The following COL24A1 variants were observed in gnomAD, a reference collection of about 807,000 sequenced individuals.
COL24A1 encodes the protein collagen alpha-1(XXIV) chain.
Under a neutral mutation model 253.9 loss-of-function variants are expected in COL24A1, and 224 were observed. That is an observed-to-expected ratio of 0.88 (90% CI 0.79 to 0.99). COL24A1 has a LOEUF of 0.99. COL24A1 is among the 50% of genes least tolerant of loss of function. The pLI is 0.00. For missense variants in COL24A1, 2,131 were observed against 2,068.5 expected, an observed-to-expected ratio of 1.03 and a Z score of -0.59; for synonymous variants, 685 against 673.7, an observed-to-expected ratio of 1.02 and a Z score of -0.26.
At chr1:85,787,042 T>C (rs759438821) in intron 47 of COL24A1, among the ~76,000 whole-genome samples, 1 of 152,162 alleles carries the variant, frequency 6.6e-6, no homozygotes, top group Non-Finnish European at 1.5e-5. Flanking sequence ...TTTTTAAACA[T>C]TGAAAAGAAT....
intron 43 of COL24A1, among the ~76,000 whole-genome samples, chr1:85,827,589 T>C (rs1232398552): frequency 6.6e-6 from 1 of 152,066 alleles, no homozygotes; most frequent in African/African-American, 2.4e-5. Flanking sequence ...TATTGATTAT[T>C]GCCACAATTT....
intron 24 of COL24A1, among the ~76,000 whole-genome samples, chr1:85,939,881 T>C (rs1688580194): frequency 6.6e-6 from 1 of 152,132 alleles, no homozygotes; most frequent in African/African-American, 2.4e-5. Flanking sequence ...ATAGGATATA[T>C]ACTGCCCTCT....
At chr1:86,032,324 G>A (rs1338056683) in intron 13 of COL24A1, among the ~76,000 whole-genome samples, 1 of 151,988 alleles carries the variant, frequency 6.6e-6, no homozygotes, top group Non-Finnish European at 1.5e-5. Flanking sequence ...AAAACACTAT[G>A]GACTCTTTTG....
chr1:86,003,614 CT>C (rs1169820167), intron 19 of COL24A1, among the ~76,000 whole-genome samples: 1 of 152,096 alleles, frequency 6.6e-6, no homozygotes, highest in Non-Finnish European at 1.5e-5. Flanking sequence ...CTTATGCATA[CT>C]CTGAATAACA....
At chr1:85,796,605 A>G (rs1277951773) in intron 47 of COL24A1, among the ~76,000 whole-genome samples, 1 of 152,226 alleles carries the variant, frequency 6.6e-6, no homozygotes, top group African/African-American at 2.4e-5. Flanking sequence ...TTTTTTGACC[A>G]TGATTAACTG....
intron 43 of COL24A1, among the ~76,000 whole-genome samples, chr1:85,830,002 C>T (rs1052939495): frequency 6.6e-6 from 1 of 152,100 alleles, no homozygotes; most frequent in Non-Finnish European, 1.5e-5. Context: ...AGGCGCTCTA[C>T]TTTTCAGAGT....
chr1:86,057,250 C>T (rs1221611934), intron 10 of COL24A1, among the ~76,000 whole-genome samples: 4 of 152,152 alleles, frequency 2.6e-5, no homozygotes, highest in Non-Finnish European at 5.9e-5. Context: ...TCTGCTCTCC[C>T]TTCACCTTCC....
At chr1:86,048,177 T>C (rs1038779423) in intron 11 of COL24A1, among the ~76,000 whole-genome samples, 10 of 151,594 alleles carry the variant, frequency 6.6e-5, no homozygotes, top group African/African-American at 2.2e-4. Context: ...GCATTTTTCA[T>C]ATATATACAT....
At chr1:86,154,121 C>G (rs1057015277) in intron 1 of COL24A1, 6 of 152,320 alleles carry the variant, frequency 3.9e-5, no homozygotes, top group Admixed American at 3.9e-4. Context: ...AAATCAGCTA[C>G]TTCTTCCAAA....
At chr1:85,924,937 C>A (rs1404082138) in intron 24 of COL24A1, among the ~76,000 whole-genome samples, 2 of 152,108 alleles carry the variant, frequency 1.3e-5, no homozygotes, top group Non-Finnish European at 2.9e-5. Context: ...CGTCTCAGCC[C>A]CAAATCTCCT....
intron 45 of COL24A1, among the ~76,000 whole-genome samples, chr1:85,821,807 G>T (rs1296476541): frequency 6.6e-6 from 1 of 152,124 alleles, no homozygotes; most frequent in Non-Finnish European, 1.5e-5. Flanking sequence ...AAAAGTATTT[G>T]ATATTCATTA....
intron 32 of COL24A1, among the ~76,000 whole-genome samples, chr1:85,878,423 T>C (rs1348345230): frequency 1.3e-5 from 2 of 152,194 alleles, no homozygotes; most frequent in Non-Finnish European, 2.9e-5. Flanking sequence ...TACCATTACC[T>C]TGGGAATTGG....
intron 47 of COL24A1, among the ~76,000 whole-genome samples, chr1:85,799,893 G>A (rs1051869488): frequency 2.0e-5 from 3 of 152,154 alleles, no homozygotes; most frequent in South Asian, 4.1e-4. Context: ...GCTTGCTAAC[G>A]GCAACATTAG....
chr1:85,984,994 T>C (rs17404587), intron 20 of COL24A1, among the ~76,000 whole-genome samples: 8,340 of 151,974 alleles, frequency 0.055, 301 homozygotes, highest in Middle Eastern at 0.095. Context: ...TCAACCACTA[T>C]TCACTGAGTT....
In COL24A1 at chr1:85,911,522, T is replaced by C. The variant is rs1685367543; in HGVS notation, c.2563-89A>G. On this transcript the variant is annotated intron_variant, in intron 24 of 59. Transcript: ENST00000370571. ...CTTAAATCACCTGTAATCACTATGTTTCTTTCTAACTTATCCTAAATGTTA... is the reference window on the plus strand; with the variant it reads ...CTTAAATCACCTGTAATCACTATGTCTCTTTCTAACTTATCCTAAATGTTA... 4 of 1,036,366 alleles carry C rather than the reference T, an allele frequency of 3.9e-6. No individual in the cohort carries two copies. The Admixed American group carries it at 7.9e-5, about 20-fold the overall frequency. The allele number at this position is 1,036,366 out of a possible 1,614,324, so 64.2% of individuals were successfully genotyped here.
At chr1:86,037,640 A>C (rs1166138867) in intron 12 of COL24A1, among the ~76,000 whole-genome samples, 2 of 152,188 alleles carry the variant, frequency 1.3e-5, no homozygotes, top group African/African-American at 4.8e-5. Context: ...CCTGTCTGAC[A>C]CTTTGATTGT....
intron 24 of COL24A1, among the ~76,000 whole-genome samples, chr1:85,915,578 T>C (rs1685815236): frequency 6.6e-6 from 1 of 152,194 alleles, no homozygotes; most frequent in African/African-American, 2.4e-5. Context: ...AAAAATGAAA[T>C]AGAGCTATCT....
At chr1:85,735,479 C>A (rs1663947676) in intron 58 of COL24A1, among the ~76,000 whole-genome samples, 1 of 151,950 alleles carries the variant, frequency 6.6e-6, no homozygotes, top group African/African-American at 2.4e-5. Flanking sequence ...GAGTTACAAG[C>A]TGTAACAATA....
chr1:85,824,970 T>G (rs1674081385), intron 43 of COL24A1, among the ~76,000 whole-genome samples: 1 of 151,326 alleles, frequency 6.6e-6, no homozygotes, highest in Non-Finnish European at 1.5e-5. Context: ...ATGTGCACAA[T>G]GTGCAGGTTA....
Sources: allele counts gnomAD v4.1 joint callset (sites outside exome capture counted in the v4.1 genomes callset), GRCh38; gene constraint gnomAD v4.1.1; transcripts MANE v1.5; gene names NCBI Gene and HGNC (gene_info 2026-07-23, HGNC 2026-07-21).